The following PRKDC variants were observed in gnomAD, a reference collection of about 807,000 sequenced individuals.
PRKDC encodes the protein protein kinase, DNA-activated, catalytic subunit.
Under a neutral mutation model 486.9 loss-of-function variants are expected in PRKDC, and 82 were observed. The observed-to-expected ratio is 0.17, with a 90% CI of 0.14 to 0.20. PRKDC has a LOEUF of 0.20. PRKDC is among the 10% of genes least tolerant of loss of function. The pLI is 1.00. For synonymous variants in PRKDC, 1,895 were observed against 1,837.0 expected, an observed-to-expected ratio of 1.03 and a Z score of -0.81; for missense variants, 4,504 against 5,038.2, an observed-to-expected ratio of 0.89 and a Z score of 3.21.
chr8:47,929,629 A>C (rs1414813257), intron 18 of PRKDC, among the ~76,000 whole-genome samples: 2 of 152,214 alleles, frequency 1.3e-5, no homozygotes, highest in African/African-American at 4.8e-5. Flanking sequence ...GGCCTTGTTA[A>C]TCTTACATAA....
At chr8:47,835,115 A>C (rs1383179822) in intron 58 of PRKDC, among the ~76,000 whole-genome samples, 2 of 152,230 alleles carry the variant, frequency 1.3e-5, no homozygotes, top group Non-Finnish European at 2.9e-5. Flanking sequence ...TTTATATAAA[A>C]GGATTAAGAT....
At chr8:47,853,385 G>A (rs1009265453) in intron 51 of PRKDC, among the ~76,000 whole-genome samples, 1 of 152,234 alleles carries the variant, frequency 6.6e-6, no homozygotes, top group Admixed American at 6.5e-5. Context: ...GGTGCTGGGG[G>A]GCCAACACGG....
At chr8:47,914,515 C>A (rs1398849050) in intron 23 of PRKDC, among the ~76,000 whole-genome samples, 1 of 152,038 alleles carries the variant, frequency 6.6e-6, no homozygotes, top group Non-Finnish European at 1.5e-5. Context: ...TTTGGCCAGG[C>A]ACAGTGGGGC....
chr8:47,777,266 T>G (rs2086624415), intron 84 of PRKDC, among the ~76,000 whole-genome samples: 2 of 152,042 alleles, frequency 1.3e-5, no homozygotes, highest in Non-Finnish European at 2.9e-5. Flanking sequence ...TGGAGTGCAG[T>G]GGCGTGATCT....
chr8:47,824,468 CAAAAA>C (rs11369602), intron 63 of PRKDC, among the ~76,000 whole-genome samples: 1 of 37,688 alleles, frequency 2.7e-5, no homozygotes, highest in Non-Finnish European at 4.7e-5. Flanking sequence ...GACTCCGCCT[CAAAAA>C]AAAAAAAAAA....
chr8:47,928,034 C>T lies in PRKDC; in HGVS notation c.2140-144G>A, dbSNP rs1372000422. ...ACCACATTCACTTACAAATTACACACTAACCTCCAGGAAAGTTAATTTGTC... is the reference window on the plus strand; with the variant it reads ...ACCACATTCACTTACAAATTACACATTAACCTCCAGGAAAGTTAATTTGTC... On this transcript the variant is annotated intron_variant, in intron 19 of 85. Coordinates refer to ENST00000314191, the MANE Select transcript of PRKDC (RefSeq NM_006904.7). The T allele has an allele frequency of 7.3e-6, 5 of 682,674 alleles. No individual in the cohort carries two copies. In the Admixed American group the frequency reaches 1.7e-4, roughly 23 times the overall value. 42.3% of individuals were successfully genotyped at this position (682,674 alleles called of 1,614,324 possible). A position where few individuals can be genotyped will look rare whatever the true frequency, so the allele number is the denominator to read the frequency against.
Position 47,778,762 on chromosome 8 carries a change from T to C in PRKDC, c.11617A>G (p.Lys3873Glu). The change falls in exon 82 of 86, where the codon AAA becomes GAA. Residue 3873 changes from lysine (K) to glutamate (E), a missense_variant. Around this residue, in one of 6 missense-constraint regions of PRKDC, gnomAD observed 706 missense variants for 945.0 expected, o/e 0.75. Transcript: ENST00000314191. Reference sequence around the variant, plus strand: ...TCAGCAGGCACTTTACTTTCTCGTTTTCTAAAAGACGTGACTGTTTCAGTA... The same window carrying C: ...TCAGCAGGCACTTTACTTTCTCGTTCTCTAAAAGACGTGACTGTTTCAGTA... ...NRTETVTSFR[K>E]RESKVPADLL... is the part of the protein sequence containing the mutation. 1.2e-6 allele frequency: 2 copies of C among 1,613,812 alleles called. No homozygotes were observed. The highest frequency in any genetic ancestry group is 1.7e-5 in the Admixed American group (1 of 59,980).
intron 51 of PRKDC, 92 bp from the exon 52 acceptor site, chr8:47,852,876 G>A (rs2088442288): frequency 2.4e-6 from 2 of 823,098 alleles, no homozygotes; most frequent in Admixed American, 2.3e-5. Context: ...ATGTCATATT[G>A]ACAGCCTAAG....
intron 47 of PRKDC, 38 bp from the exon 48 acceptor site, chr8:47,858,673 A>G (rs749036108): frequency 6.9e-7 from 1 of 1,458,846 alleles, no homozygotes; most frequent in East Asian, 2.5e-5. Context: ...AAAACGTGGA[A>G]TAAAATAATG....
intron 21 of PRKDC, among the ~76,000 whole-genome samples, chr8:47,921,304 A>C (rs2090066647): frequency 6.6e-6 from 1 of 152,146 alleles, no homozygotes; most frequent in Non-Finnish European, 1.5e-5. Context: ...ATGTCCAACT[A>C]AATTGAATCA....
At chr8:47,957,546 T>C (rs932209387) in intron 1 of PRKDC, 115 bp from the exon 2 acceptor site, 5 of 874,980 alleles carry the variant, frequency 5.7e-6, no homozygotes, top group East Asian at 2.8e-5. Flanking sequence ...AGTCTCGCTC[T>C]GTCGCCCAGG....
rs1034127606 is a variant in PRKDC, at chr8:47,885,981, A to G, written c.4739T>C (p.Leu1580Ser). The G allele has an allele frequency of 6.2e-7, 1 of 1,613,836 alleles. No individual in the cohort carries two copies. Among genetic ancestry groups the G allele is most frequent in the Non-Finnish European group, 8.5e-7 (1 of 1,179,890 alleles). Reference protein sequence around the residue: ...ELLKNLDLAVLELMQSSVDNT... With the variant: ...ELLKNLDLAVSELMQSSVDNT... The stretch of plus-strand genomic sequence containing the variant: ...ATCCACTGAAGACTGCATGAGCTCC[A>G]ATACAGCAAGATCCAGATTTTTCAA... The change falls in exon 36 of 86, where the codon TTG becomes TCG. Residue 1580 changes from leucine to serine, a missense_variant. Coordinates refer to ENST00000314191, the MANE Select transcript of PRKDC (RefSeq NM_006904.7).
chr8:47,943,320 G>A lies in PRKDC; in HGVS notation c.855C>T (p.Cys285=), dbSNP rs770468953. The change falls in exon 10 of 86, where the codon TGC becomes TGT. Residue 285 remains cysteine, a synonymous_variant. Transcript: ENST00000314191. ...ATAGAGACACGTAGTTGTCCAGAAG[G>A]CAGGTGCTAAACTGAGATGCATGCA... ...FALHASQFST[C]LLDNYVSLFE... is the part of the protein sequence containing the mutation. 1.2e-6 allele frequency: 2 copies of A among 1,612,036 alleles called. No individual in the cohort carries two copies. Among genetic ancestry groups the A allele is most frequent in the South Asian group, 2.2e-5 (2 of 90,612 alleles).
At chr8:47,890,129 TATAATAATA>T (rs36103307) in intron 32 of PRKDC, 119 bp downstream of exon 32, 45 of 361,806 alleles carry the variant, frequency 1.2e-4, no homozygotes, top group South Asian at 5.4e-4. Context: ...GAGGATGAAA[TATAATAATA>T]ATAATAATAA....
chr8:47,856,833 G>A (rs2088552503), intron 49 of PRKDC, among the ~76,000 whole-genome samples: 1 of 152,192 alleles, frequency 6.6e-6, no homozygotes, highest in South Asian at 2.1e-4. Flanking sequence ...TCCCATTCAG[G>A]GTTGGTTGAA....
chr8:47,901,223 C>T (rs1399662904), intron 27 of PRKDC, among the ~76,000 whole-genome samples: 1 of 151,956 alleles, frequency 6.6e-6, no homozygotes. Context: ...CACCTGTAAT[C>T]CTAGAACTTT....
intron 66 of PRKDC, 28 bp downstream of exon 66, chr8:47,820,691 A>C (rs1011556624): frequency 1.8e-6 from 2 of 1,133,802 alleles, no homozygotes; most frequent in Non-Finnish European, 1.2e-6. Context: ...TATATATACA[A>C]GCATATATAT....
At chr8:47,932,273 C>T (rs1200388797) in intron 16 of PRKDC, among the ~76,000 whole-genome samples, 2 of 152,124 alleles carry the variant, frequency 1.3e-5, no homozygotes, top group Non-Finnish European at 2.9e-5. Context: ...TTAGTAGAGA[C>T]GAGGTTTCAC....
chr8:47,803,327 G>A lies in PRKDC; in HGVS notation c.9901C>T (p.Leu3301=). 6.2e-7 allele frequency: 1 copy of A among 1,612,442 alleles called. No individual in the cohort carries two copies. Among genetic ancestry groups the A allele is most frequent in the Non-Finnish European group, 8.5e-7 (1 of 1,179,318 alleles). ...TTACCCAACAAAGAGACTGTTTTCAGCACAGTGAGCACCTGCTCAGAGCAG... is the reference window on the plus strand; with the variant it reads ...TTACCCAACAAAGAGACTGTTTTCAACACAGTGAGCACCTGCTCAGAGCAG... ...QGCSEQVLTV[L]KTVSLLDENN... Residue 3301 remains leucine, a synonymous_variant, in exon 70 of 86, where the codon CTG becomes TTG. Transcript: ENST00000314191.
Sources: gnomAD v4.1 joint callset for allele counts (sites outside exome capture counted in the v4.1 genomes callset) on GRCh38, gnomAD v4.1.1 for gene constraint, gnomAD v4.1.1 regional missense constraint, MANE v1.5 for transcripts, NCBI Gene and HGNC (gene_info 2026-07-23, HGNC 2026-07-21) for gene names.